Variants in RUVBL1 observed in about 807,000 individuals in gnomAD.
The protein encoded by RUVBL1 is RuvB like AAA ATPase 1, also known as ruvB-like 1.
In RUVBL1, 4 loss-of-function variants were observed where a neutral mutation model predicts 52.4. The observed-to-expected ratio is 0.08, with a 90% confidence interval of 0.04 to 0.17. The LOEUF is 0.17. RUVBL1 is among the 10% of genes least tolerant of loss of function. The probability of loss-of-function intolerance (pLI) is 1.00; values close to 1 mark genes in which losing one functional copy is unlikely to be tolerated. For synonymous variants in RUVBL1, 217 were observed against 214.4 expected (o/e 1.01, Z -0.10); for missense variants, 298 against 572.8 (o/e 0.52, Z 4.90).
At chr3:128,068,120 G>T in intron 9 of RUVBL1, 1 of 1,363,360 alleles carries the variant, frequency 7.3e-7, no homozygotes, top group Non-Finnish European at 1.0e-6. Flanking sequence ...TTCTTTCCAT[G>T]CAGGGCATCC....
In RUVBL1 at chr3:128,134,125, G is replaced by A. The variant is rs568880058; in HGVS notation, c.-39-14711C>T. Among the ~76,000 whole-genome samples, 3 of 152,174 alleles carry A rather than the reference G, an allele frequency of 2.0e-5. No homozygotes were observed. The East Asian group carries it at 5.8e-4, about 29-fold the overall frequency. Reference sequence around the variant, plus strand: ...CAGTTGATATACAAAGCATGCATCAGTCCACAGCAGAACTGATCAAGCAGA... The same window carrying A: ...CAGTTGATATACAAAGCATGCATCAATCCACAGCAGAACTGATCAAGCAGA... On this transcript the variant is annotated intron_variant, in intron 1 of 9. Transcript: ENST00000464873.
chr3:128,080,692 G>A (rs1253209791), downstream of RUVBL1, among the ~76,000 whole-genome samples: 1 of 152,200 alleles, frequency 6.6e-6, no homozygotes, highest in Non-Finnish European at 1.5e-5. Flanking sequence ...TCAAGAACAA[G>A]GAAAATCTAA....
chr3:128,084,221 A>C (rs567394561), intron 9 of RUVBL1: 1 of 152,576 alleles, frequency 6.6e-6, no homozygotes, highest in East Asian at 1.9e-4. Flanking sequence ...CCACTGAAAC[A>C]ATCTTAGCTT....
intron 2 of RUVBL1, among the ~76,000 whole-genome samples, chr3:128,118,619 G>A (rs1943577822): frequency 6.6e-6 from 1 of 152,052 alleles, no homozygotes; most frequent in African/African-American, 2.4e-5. Context: ...GTCCCCTCAC[G>A]AATCCCAAGA....
chr3:128,150,022 T>C (rs1263402502), intron 1 of RUVBL1, among the ~76,000 whole-genome samples: 1 of 152,234 alleles, frequency 6.6e-6, no homozygotes, highest in Non-Finnish European at 1.5e-5. Flanking sequence ...CTGAGCCTGC[T>C]GTTTTCTCTG....
chr3:128,076,535 G>A (rs1418103140), downstream of RUVBL1, among the ~76,000 whole-genome samples: 2 of 152,204 alleles, frequency 1.3e-5, no homozygotes, highest in Non-Finnish European at 2.9e-5. This position sits in a 1 kb window ranked among gnomAD's most constrained non-coding sequence, Gnocchi z 6.8. Flanking sequence ...GGGACAGTGG[G>A]CAGGCTTGCA....
At position 128,085,377 on chromosome 3, in the gene RUVBL1, A is replaced by G. The variant is rs1023178320; in HGVS notation, c.1119+2329T>C. Among the ~76,000 whole-genome samples, 16 of 152,212 alleles carry G rather than the reference A, an allele frequency of 1.1e-4. No individual in the cohort carries two copies. The South Asian group carries it at 1.4e-3, about 14-fold the overall frequency. ...TGGGCTGCCTTTTTTGGCAGGACACATGGGGTTTTGGACCCAACAGTAAGG... is the reference window on the plus strand; with the variant it reads ...TGGGCTGCCTTTTTTGGCAGGACACGTGGGGTTTTGGACCCAACAGTAAGG... On this transcript the variant is annotated intron_variant, in intron 9 of 10. Coordinates refer to ENST00000322623, the MANE Select transcript of RUVBL1 (RefSeq NM_003707.3).
intron 9 of RUVBL1, among the ~76,000 whole-genome samples, chr3:128,071,891 G>C (rs1942178320): frequency 6.6e-6 from 1 of 152,220 alleles, no homozygotes; most frequent in Non-Finnish European, 1.5e-5. Context: ...ATGTGGAGCT[G>C]CTGCAGGGCT....
chr3:128,151,015 T>A (rs1413394521), intron 1 of RUVBL1, among the ~76,000 whole-genome samples: 36 of 94,768 alleles, frequency 3.8e-4, no homozygotes, highest in East Asian at 1.0e-3. Context: ...TATTATATAT[T>A]ATATATATAA....
intron 1 of RUVBL1, among the ~76,000 whole-genome samples, chr3:128,130,320 GAACA>G (rs1348562401): frequency 6.6e-6 from 1 of 152,024 alleles, no homozygotes; most frequent in Non-Finnish European, 1.5e-5. Flanking sequence ...AAAAAACTGT[GAACA>G]GACTACCAAA....
chr3:128,092,874 C>G (rs1444655010), intron 8 of RUVBL1, among the ~76,000 whole-genome samples: 4 of 152,090 alleles, frequency 2.6e-5, no homozygotes, highest in Non-Finnish European at 5.9e-5. Flanking sequence ...AAACCATGTC[C>G]ACTTAAAAAT....
chr3:128,090,081 G>A (rs1289796143), intron 8 of RUVBL1, among the ~76,000 whole-genome samples: 2 of 152,088 alleles, frequency 1.3e-5, no homozygotes, highest in Non-Finnish European at 2.9e-5. Context: ...TAGTGGCGAT[G>A]GTCATGCCAC....
chr3:128,065,425 ATCT>A (rs1184694197), intron 9 of RUVBL1, among the ~76,000 whole-genome samples: 4 of 152,208 alleles, frequency 2.6e-5, no homozygotes, highest in African/African-American at 9.6e-5. Context: ...GAAACGGCCT[ATCT>A]TCTTAAGCTG....
chr3:128,105,625 C>T (rs1237930010), intron 3 of RUVBL1, among the ~76,000 whole-genome samples: 1 of 152,116 alleles, frequency 6.6e-6, no homozygotes, highest in South Asian at 2.1e-4. Flanking sequence ...ATTTCTGACT[C>T]TCAAAGGAAA....
At chr3:128,144,529 G>T (rs1276457604) in intron 1 of RUVBL1, among the ~76,000 whole-genome samples, 2 of 152,192 alleles carry the variant, frequency 1.3e-5, no homozygotes, top group Non-Finnish European at 2.9e-5. Flanking sequence ...GGGGGCCCAC[G>T]GAGTCTGTTG....
At chr3:128,135,608 A>G (rs1453761749) in intron 1 of RUVBL1, among the ~76,000 whole-genome samples, 1 of 152,262 alleles carries the variant, frequency 6.6e-6, no homozygotes, top group Non-Finnish European at 1.5e-5. Flanking sequence ...GCAAAAATAT[A>G]CTTCAAACAT....
At chr3:128,070,444 C>T (rs1330871789) in intron 9 of RUVBL1, 2 of 152,210 alleles carry the variant, frequency 1.3e-5, no homozygotes, top group Non-Finnish European at 2.9e-5. Flanking sequence ...CAGTGATGTC[C>T]GTTTGTCCAG....
chr3:128,135,717 T>C (rs1021541918), intron 1 of RUVBL1, among the ~76,000 whole-genome samples: 1 of 152,182 alleles, frequency 6.6e-6, no homozygotes, highest in Non-Finnish European at 1.5e-5. Flanking sequence ...TTCTTCAGTC[T>C]GAAAGAAAAG....
At chr3:128,148,543 G>C (rs986193924) in intron 1 of RUVBL1, among the ~76,000 whole-genome samples, 2 of 152,088 alleles carry the variant, frequency 1.3e-5, no homozygotes, top group African/African-American at 4.8e-5. Context: ...AGTTAGGAGG[G>C]GGAGGCTCCT....
Sources: allele counts gnomAD v4.1 joint callset (sites outside exome capture counted in the v4.1 genomes callset), GRCh38; gene constraint gnomAD v4.1.1; non-coding constraint Gnocchi (gnomAD v3.1); transcripts MANE v1.5; gene names NCBI Gene and HGNC (gene_info 2026-07-23, HGNC 2026-07-21).